ZNG1A: variants seen among roughly 807,000 people sequenced by gnomAD.
The protein encoded by ZNG1A is Zn regulated GTPase metalloprotein activator 1A, also known as zinc-regulated GTPase metalloprotein activator 1A.
chr9:171,743 C>G, the ZNG1A span: 70 of 301,898 alleles, frequency 2.3e-4, 1 homozygote, highest in South Asian at 2.5e-3. Context: ...AACTAATACC[C>G]CATGGATGCC....
At chr9:127,858 G>T in the ZNG1A span, among the ~76,000 whole-genome samples, 1 of 152,240 alleles carries the variant, frequency 6.6e-6, no homozygotes, top group Non-Finnish European at 1.5e-5. Context: ...TCAAGATTTA[G>T]AGTTCCTTTT....
the ZNG1A span, among the ~76,000 whole-genome samples, chr9:157,731 A>G: frequency 6.8e-6 from 1 of 147,258 alleles, no homozygotes; most frequent in African/African-American, 2.5e-5. Context: ...TATGCCACAT[A>G]AAATCAGTCT....
the ZNG1A span, among the ~76,000 whole-genome samples, chr9:130,077 CATCGTA>C: frequency 6.6e-6 from 1 of 151,330 alleles, no homozygotes; most frequent in Non-Finnish European, 1.5e-5. Flanking sequence ...TTTTCAGCTC[CATCGTA>C]ATCTTATGCA....
the ZNG1A span, chr9:160,238 G>C: frequency 4.4e-6 from 2 of 453,220 alleles, no homozygotes; most frequent in African/African-American, 2.0e-5. Flanking sequence ...AGTTTGGCTG[G>C]CTGGCCACAG....
chr9:142,171 T>A, the ZNG1A span, among the ~76,000 whole-genome samples: 1 of 148,604 alleles, frequency 6.7e-6, no homozygotes, highest in Non-Finnish European at 1.5e-5. Context: ...GGAATTGAAC[T>A]CAGCTCTGCA....
At chr9:145,964 C>T in the ZNG1A span, 15 of 622,302 alleles carry the variant, frequency 2.4e-5, no homozygotes, top group Non-Finnish European at 3.8e-5. Flanking sequence ...CAAGAATATA[C>T]CTCATTAAGA....
chr9:174,412 T>C, the ZNG1A span, among the ~76,000 whole-genome samples: 130 of 152,072 alleles, frequency 8.5e-4, no homozygotes, highest in African/African-American at 3.0e-3. Context: ...TCTAAAGAGG[T>C]TGCTACAGAA....
At chr9:138,638 C>A in the ZNG1A span, among the ~76,000 whole-genome samples, 2 of 143,836 alleles carry the variant, frequency 1.4e-5, no homozygotes, top group Admixed American at 7.0e-5. Flanking sequence ...GTGGGCTACA[C>A]ATGTAATCCC....
At chr9:166,000 A>G in the ZNG1A span, 2 of 148,290 alleles carry the variant, frequency 1.3e-5, no homozygotes, top group African/African-American at 5.1e-5. Flanking sequence ...ACACTCCAAA[A>G]TGACAAAAAG....
the ZNG1A span, among the ~76,000 whole-genome samples, chr9:133,934 C>A: frequency 7.0e-6 from 1 of 141,894 alleles, no homozygotes; most frequent in African/African-American, 2.6e-5. Flanking sequence ...GATGGAGACA[C>A]TGGCCGCCCC....
the ZNG1A span, chr9:121,447 G>C: frequency 1.9e-6 from 3 of 1,604,822 alleles, no homozygotes; most frequent in Non-Finnish European, 2.6e-6. Flanking sequence ...CAATCCTTTT[G>C]ATAAGAAATG....
At chr9:146,789 T>C in the ZNG1A span, 1 of 108,498 alleles carries the variant, frequency 9.2e-6, no homozygotes, top group Non-Finnish European at 1.9e-5. Context: ...ATAAATAACA[T>C]ATCACAATTA....
the ZNG1A span, chr9:165,982 C>A: frequency 1.4e-5 from 2 of 146,106 alleles, no homozygotes; most frequent in Non-Finnish European, 3.0e-5. Flanking sequence ...TAAACACTTA[C>A]CAGAAATACA....
At chr9:127,836 C>T in the ZNG1A span, among the ~76,000 whole-genome samples, 10 of 152,246 alleles carry the variant, frequency 6.6e-5, no homozygotes, top group Admixed American at 3.3e-4. Context: ...TGATATGTTT[C>T]CAGGATTTGT....
At chr9:151,309 G>A in the ZNG1A span, 2 of 982,910 alleles carry the variant, frequency 2.0e-6, no homozygotes, top group Non-Finnish European at 1.2e-6. Context: ...ACTCACCTAA[G>A]GCCTCTGCTG....
the ZNG1A span, chr9:161,431 G>C: frequency 2.3e-6 from 1 of 432,076 alleles, no homozygotes; most frequent in Non-Finnish European, 4.0e-6. Flanking sequence ...TGGTGCCACT[G>C]CACTCCAGCC....
the ZNG1A span, chr9:121,458 C>G: frequency 1.2e-6 from 2 of 1,610,316 alleles, no homozygotes; most frequent in Admixed American, 1.7e-5. Context: ...ATAAGAAATG[C>G]CTCTAGTGTT....
chr9:173,533 C>A, the ZNG1A span, among the ~76,000 whole-genome samples: 1 of 151,794 alleles, frequency 6.6e-6, no homozygotes, highest in African/African-American at 2.4e-5. Flanking sequence ...CAGTACACTA[C>A]ATTATTTTAG....
the ZNG1A span, among the ~76,000 whole-genome samples, chr9:129,988 C>G: frequency 1.3e-5 from 2 of 150,718 alleles, no homozygotes; most frequent in Non-Finnish European, 2.9e-5. Context: ...AGGCTACAAA[C>G]CTGTACAGCA....
Sources: allele counts gnomAD v4.1 joint callset (sites outside exome capture counted in the v4.1 genomes callset), GRCh38; gene constraint gnomAD v4.1.1; transcripts MANE v1.5; gene names NCBI Gene and HGNC (gene_info 2026-07-23, HGNC 2026-07-21).